PLAA: variants seen among roughly 807,000 people sequenced by gnomAD.
The protein encoded by PLAA is phospholipase A-2-activating protein.
Under a neutral mutation model 84.1 loss-of-function variants are expected in PLAA, and 48 were observed. The observed-to-expected ratio is 0.57, with a 90% CI of 0.45 to 0.73. The LOEUF is 0.73. Ranked by LOEUF, PLAA falls within the 30% of genes least tolerant of loss-of-function variation. PLAA has a pLI of 0.00. For missense variants in PLAA, 903 were observed against 954.7 expected (o/e 0.95, Z 0.71); for synonymous variants, 392 against 336.6 (o/e 1.16, Z -1.80).
rs1183288248 is a variant in PLAA, at chr9:26,923,239, A to C, written c.978T>G (p.Thr326=). 2.5e-6 allele frequency: 4 copies of C among 1,613,600 alleles called. No individual in the cohort carries two copies. The highest frequency in any genetic ancestry group is 3.4e-6 in the Non-Finnish European group (4 of 1,179,602). ...CAGCATTGATGTCCCCTAAATCGCCAGTTTTAGAATCAATGGTTGCGTGAG... is the reference window on the plus strand; with the variant it reads ...CAGCATTGATGTCCCCTAAATCGCCCGTTTTAGAATCAATGGTTGCGTGAG... ...ELSHATIDSK[T]GDLGDINAEQ... is the part of the protein sequence containing the mutation. Residue 326 remains threonine, a synonymous_variant, in exon 7 of 14, where the codon ACT becomes ACG. Transcript: ENST00000397292.
Position 26,904,761 on chromosome 9 carries a change from T to A in PLAA, c.*750A>T, listed in dbSNP as rs1824176331. The A allele has an allele frequency of 6.6e-6, 1 of 152,314 alleles. No individual in the cohort carries two copies. The highest frequency in any genetic ancestry group is 2.4e-5 in the African/African-American group (1 of 41,422). 9.4% of individuals were successfully genotyped at this position (152,314 alleles called of 1,614,324 possible). A position where few individuals can be genotyped will look rare whatever the true frequency, so the allele number is the denominator to read the frequency against. On this transcript the variant is annotated 3_prime_UTR_variant, in exon 14 of 14. Transcript: ENST00000397292. ...AACATGTTCCAAATTCCCTTTGAAA[T>A]AATGGAAAATGACAAAAATAAACAG...
intron 1 of PLAA, among the ~76,000 whole-genome samples, chr9:26,936,250 G>GAA (rs148917351): frequency 4.1e-5 from 6 of 147,848 alleles, no homozygotes; most frequent in Non-Finnish European, 6.0e-5. Flanking sequence ...CAAGGAGAAT[G>GAA]AAAAAAAAAA....
At chr9:26,938,415 G>GA (rs1283570155) in intron 1 of PLAA, among the ~76,000 whole-genome samples, 1 of 152,042 alleles carries the variant, frequency 6.6e-6, no homozygotes, top group Non-Finnish European at 1.5e-5. Context: ...AGCTAGGTGT[G>GA]ATAGTACACA....
At position 26,903,766 on chromosome 9, in the gene PLAA, C is replaced by G. The variant is rs950595211; in HGVS notation, c.*1745G>C. 2.0e-5 allele frequency among the ~76,000 whole-genome samples: 3 copies of G among 152,178 alleles called. No individual in the cohort carries two copies. The highest frequency in any genetic ancestry group is 2.1e-4 in the South Asian group (1 of 4,816). The stretch of plus-strand genomic sequence containing the variant: ...AACAAACATGAAATAGTAAAGTTGA[C>G]ATAAAAAAACTTGCACAGTAATAGG... On this transcript the variant is annotated 3_prime_UTR_variant, in exon 14 of 14. Transcript: ENST00000397292.
Position 26,905,660 on chromosome 9 carries a change from C to A in PLAA, c.2239G>T (p.Val747Leu), listed in dbSNP as rs1476447066. 4 of 1,614,068 alleles carry A rather than the reference C, an allele frequency of 2.5e-6. No homozygotes were observed. The African/African-American group carries it at 4.0e-5, about 16-fold the overall frequency. Residue 747 changes from valine (V) to leucine (L), a missense_variant, in exon 14 of 14, where the codon GTG becomes TTG. Transcript: ENST00000397292. ...TCACTGATAAGTGTTCCAAGAGCCACAAGAAGTCTAAAAGTGGCTTCTAGG... is the reference window on the plus strand; with the variant it reads ...TCACTGATAAGTGTTCCAAGAGCCAAAAGAAGTCTAAAAGTGGCTTCTAGG... Reference protein sequence around the residue: ...QDLEATFRLLVALGTLISDDS... With the variant: ...QDLEATFRLLLALGTLISDDS...
rs1251820322 is a variant in PLAA, at chr9:26,904,459, G to C, written c.*1052C>G. On this transcript the variant is annotated 3_prime_UTR_variant, in exon 14 of 14. Transcript: ENST00000397292. ...TTCACACACATCTGTGATCTCTCTA[G>C]AAAGTATAGCATAGCATGTACTTTA... The C allele has an allele frequency of 1.3e-5, 2 of 152,034 alleles. No homozygotes were observed. The highest frequency in any genetic ancestry group is 2.9e-5 in the Non-Finnish European group (2 of 67,986). 9.4% of individuals were successfully genotyped at this position (152,034 alleles called of 1,614,324 possible).
intron 1 of PLAA, among the ~76,000 whole-genome samples, chr9:26,943,632 G>A (rs1825605834): frequency 6.6e-6 from 1 of 152,126 alleles, no homozygotes; most frequent in East Asian, 1.9e-4. Context: ...AACATTTATA[G>A]CATTTCATTA....
At chr9:26,946,821 C>A in intron 1 of PLAA, 76 bp downstream of exon 1, 1 of 1,453,622 alleles carries the variant, frequency 6.9e-7, no homozygotes, top group Non-Finnish European at 9.1e-7. Flanking sequence ...GCAGGACTGA[C>A]AGGGAAGGGT....
chr9:26,919,165 G>T, intron 9 of PLAA, 145 bp downstream of exon 9: 2 of 509,428 alleles, frequency 3.9e-6, no homozygotes, highest in Non-Finnish European at 7.0e-6. Flanking sequence ...ATCATTTGAG[G>T]CTTAAACATA....
chr9:26,938,088 C>A (rs1478406715), intron 1 of PLAA, among the ~76,000 whole-genome samples: 1 of 152,096 alleles, frequency 6.6e-6, no homozygotes. Flanking sequence ...GAGACCCACA[C>A]CAAGTCACAT....
rs1037051903 is a variant in PLAA at position 26,947,126 on chromosome 9, C to G, written c.-81G>C. The G allele has an allele frequency of 1.8e-5, 25 of 1,381,744 alleles. 1 individual carries two copies. The highest frequency in any genetic ancestry group is 2.1e-5 in the Non-Finnish European group (22 of 1,063,808). 85.6% of individuals were successfully genotyped at this position (1,381,744 alleles called of 1,614,324 possible). On this transcript the variant is annotated 5_prime_UTR_variant, in exon 1 of 14. Transcript: ENST00000397292. ...GGGCGACTCGGAGAGCGCCGGGCCGCGGCGGGAGAAGAGCCTGCAGGTAAG... is the reference window on the plus strand; with the variant it reads ...GGGCGACTCGGAGAGCGCCGGGCCGGGGCGGGAGAAGAGCCTGCAGGTAAG...
Position 26,934,084 on chromosome 9 carries a change from C to T in PLAA, c.343+929G>A, listed in dbSNP as rs4978110. On this transcript the variant is annotated intron_variant, in intron 2 of 13. Transcript: ENST00000397292. ...TTAGCCTCCCAAAGTGTTGGGATTA[C>T]ACATATGAGCCATGGTGCCTGGCAC... is the stretch of plus-strand genomic sequence containing the variant. Among the ~76,000 whole-genome samples, 397 of 152,244 alleles carry T rather than the reference C, an allele frequency of 2.6e-3. 5 individuals are homozygous for T. The highest frequency in any genetic ancestry group is 0.022 in the Admixed American group (340 of 15,270).
At chr9:26,941,190 G>A (rs1357795036) in intron 1 of PLAA, among the ~76,000 whole-genome samples, 1 of 151,052 alleles carries the variant, frequency 6.6e-6, no homozygotes, top group Non-Finnish European at 1.5e-5. Flanking sequence ...ACGGGGGGTG[G>A]GGGAGGGATG....
At chr9:26,945,357 A>T (rs1263553634) in intron 1 of PLAA, among the ~76,000 whole-genome samples, 1 of 152,232 alleles carries the variant, frequency 6.6e-6, no homozygotes, top group Non-Finnish European at 1.5e-5. Context: ...TTATGCTTCT[A>T]CTGGATTCAA....
chr9:26,943,082 A>C (rs548481940), intron 1 of PLAA, among the ~76,000 whole-genome samples: 1 of 152,236 alleles, frequency 6.6e-6, no homozygotes, highest in Admixed American at 6.5e-5. Context: ...AAGGCAAGGC[A>C]ATATAAAGGC....
intron 9 of PLAA, among the ~76,000 whole-genome samples, chr9:26,917,449 G>A (rs1257385830): frequency 1.3e-5 from 2 of 152,172 alleles, no homozygotes; most frequent in South Asian, 2.1e-4. Context: ...GAGAATTGCA[G>A]GTAATATCTG....
intron 4 of PLAA, 75 bp downstream of exon 4, chr9:26,928,025 T>C: frequency 6.8e-7 from 1 of 1,464,056 alleles, no homozygotes. Flanking sequence ...TTTTCATGCT[T>C]GTAAACTTCT....
rs529320124 is a variant in PLAA at position 26,923,361 on chromosome 9, T to G, written c.870-14A>C. On this transcript the variant is annotated splice_polypyrimidine_tract_variant and intron_variant, in intron 6 of 13. Transcript: ENST00000397292. Reference sequence around the variant, plus strand: ...ATAATGCCATCACTGTAAGGAAAAATAAACTGATTTTAGAAGTCATTGCCA... The same window carrying G: ...ATAATGCCATCACTGTAAGGAAAAAGAAACTGATTTTAGAAGTCATTGCCA... 26 of 1,579,808 alleles carry G rather than the reference T, an allele frequency of 1.6e-5. No individual in the cohort carries two copies. Among genetic ancestry groups the G allele is most frequent in the Non-Finnish European group, 2.2e-5 (25 of 1,155,982 alleles).
chr9:26,915,105 GGGAGGCTGAGGCA>G (rs535522810), intron 10 of PLAA, among the ~76,000 whole-genome samples: 3 of 152,076 alleles, frequency 2.0e-5, no homozygotes, highest in South Asian at 4.2e-4. Context: ...CTGGCTACTC[GGGAGGCTGAGGCA>G]GGAGAATTGC....
Sources: gnomAD v4.1 joint callset for allele counts (sites outside exome capture counted in the v4.1 genomes callset) on GRCh38, gnomAD v4.1.1 for gene constraint, MANE v1.5 for transcripts, NCBI Gene and HGNC (gene_info 2026-07-23, HGNC 2026-07-21) for gene names.